Variants in LRRC39 observed in about 807,000 individuals in gnomAD.
The protein encoded by LRRC39 is leucine rich repeat containing 39, also known as leucine-rich repeat-containing protein 39.
In LRRC39, 35 loss-of-function variants were observed where a neutral mutation model predicts 39.7. That is an observed-to-expected ratio of 0.88 (90% confidence interval 0.67 to 1.17). LRRC39 has a LOEUF of 1.17. LRRC39 is among the 50% of genes most tolerant of loss of function. The pLI is 0.00. For missense variants in LRRC39, 357 were observed against 385.8 expected (o/e 0.93, Z 0.62); for synonymous variants, 113 against 134.1 (o/e 0.84, Z 1.09).
At chr1:100,166,359 G>T (rs1333838139) in intron 3 of LRRC39, among the ~76,000 whole-genome samples, 1 of 152,156 alleles carries the variant, frequency 6.6e-6, no homozygotes, top group African/African-American at 2.4e-5. Flanking sequence ...AAGAAGAAAA[G>T]AAAATGTGGG....
intron 8 of LRRC39, 83 bp downstream of exon 8, chr1:100,154,968 T>C (rs1178563615): frequency 7.9e-7 from 1 of 1,259,522 alleles, no homozygotes; most frequent in Non-Finnish European, 1.1e-6. Flanking sequence ...CTGAAATTTA[T>C]TAATAACAAT....
rs1570768028 is a variant in LRRC39, at chr1:100,158,923, G to A, written c.376+336C>T. 2.0e-5 allele frequency among the ~76,000 whole-genome samples: 3 copies of A among 151,168 alleles called. No individual in the cohort carries two copies. In the East Asian group the frequency reaches 5.8e-4, roughly 29 times the overall value. On this transcript the variant is annotated intron_variant, in intron 5 of 9. Coordinates refer to ENST00000370137, the MANE Select transcript of LRRC39 (RefSeq NM_144620.4). ...AAAATCCTCAGCAATTTTCTATTTG[G>A]ATTTTTTTTTCCCATTTGAAGAATC... is the stretch of plus-strand genomic sequence containing the variant.
chr1:100,179,099 G>A (rs1175229965), upstream of LRRC39, among the ~76,000 whole-genome samples: 1 of 152,126 alleles, frequency 6.6e-6, no homozygotes, highest in Middle Eastern at 3.2e-3. Flanking sequence ...TTAGAGCAGC[G>A]TCATTCTTTT....
chr1:100,167,226 TC>T (rs1310651031), intron 3 of LRRC39, among the ~76,000 whole-genome samples: 1 of 152,062 alleles, frequency 6.6e-6, no homozygotes, highest in Non-Finnish European at 1.5e-5. Context: ...AACATAATGA[TC>T]ATTGGCTGTG....
At position 100,164,716 on chromosome 1, in the gene LRRC39, A is replaced by T. The variant is rs565716653; in HGVS notation, c.113+3688T>A. Among the ~76,000 whole-genome samples the T allele has an allele frequency of 1.1e-4, 17 of 151,012 alleles. No individual in the cohort carries two copies. The East Asian group carries it at 1.7e-3, about 16-fold the overall frequency. Reference sequence around the variant, plus strand: ...TTATTAATTTTTTTCTTTTTTTTTTAAATGAGACAGTGTCTTGCTCTGACA... The same window carrying T: ...TTATTAATTTTTTTCTTTTTTTTTTTAATGAGACAGTGTCTTGCTCTGACA... On this transcript the variant is annotated intron_variant, in intron 3 of 9. Coordinates refer to ENST00000370137, the MANE Select transcript of LRRC39 (RefSeq NM_144620.4).
At chr1:100,168,777 TG>T (rs1207844112) in intron 2 of LRRC39, 183 bp from the exon 3 acceptor site, 1 of 291,930 alleles carries the variant, frequency 3.4e-6, no homozygotes, top group African/African-American at 2.2e-5. Flanking sequence ...TATTGACTAA[TG>T]TATAGATGAG....
intron 3 of LRRC39, among the ~76,000 whole-genome samples, chr1:100,166,581 A>T (rs1191748614): frequency 1.3e-5 from 2 of 152,198 alleles, no homozygotes; most frequent in African/African-American, 4.8e-5. Context: ...AACTTGAAGA[A>T]GATGATTTAG....
At chr1:100,162,497 G>T (rs1229353816) in intron 3 of LRRC39, among the ~76,000 whole-genome samples, 1 of 151,974 alleles carries the variant, frequency 6.6e-6, no homozygotes, top group African/African-American at 2.4e-5. Flanking sequence ...AAATTAGCTG[G>T]GTGTGGTGAT....
Position 100,160,469 on chromosome 1 carries a change from C to A in LRRC39, c.216G>T (p.Trp72Cys). The A allele has an allele frequency of 6.2e-7, 1 of 1,611,448 alleles. No homozygotes were observed. The highest frequency in any genetic ancestry group is 8.5e-7 in the Non-Finnish European group (1 of 1,178,298). The stretch of plus-strand genomic sequence containing the variant: ...CAAATATTCTATAAAAGCTTACCTT[C>A]CATTCCTCTTTTTCTATCTTCAAAA... Reference protein sequence around the residue: ...RVILKIEKEEWKTLPSSLLKL... With the variant: ...RVILKIEKEECKTLPSSLLKL... The change falls in exon 4 of 10, where the codon TGG becomes TGT. Residue 72 changes from tryptophan (W) to cysteine (C), a missense_variant. Transcript: ENST00000370137.
At chr1:100,172,574 G>T (rs1659695628) in intron 2 of LRRC39, among the ~76,000 whole-genome samples, 1 of 152,004 alleles carries the variant, frequency 6.6e-6, no homozygotes, top group Admixed American at 6.6e-5. Flanking sequence ...TGTAATCCTA[G>T]CACTTTGGGA....
intron 3 of LRRC39, among the ~76,000 whole-genome samples, chr1:100,167,778 A>AAATAATAAT (rs5776500): frequency 2.9e-5 from 4 of 137,398 alleles, no homozygotes; most frequent in Admixed American, 7.5e-5. Context: ...TCCATTTCAA[A>AAATAATAAT]AATAATAATA....
intron 8 of LRRC39, 45 bp from the exon 9 acceptor site, chr1:100,152,569 GTGT>G: frequency 1.3e-6 from 2 of 1,588,584 alleles, no homozygotes; most frequent in Non-Finnish European, 1.7e-6. Flanking sequence ...TGTCATGGAA[GTGT>G]ACATTTATTT....
At chr1:100,157,714 C>G (rs1324585928) in intron 6 of LRRC39, among the ~76,000 whole-genome samples, 2 of 152,122 alleles carry the variant, frequency 1.3e-5, no homozygotes, top group Admixed American at 6.5e-5. Flanking sequence ...GTTTTCAAAG[C>G]CAAAGCACCA....
At chr1:100,163,824 A>T (rs1368434788) in intron 3 of LRRC39, among the ~76,000 whole-genome samples, 2 of 152,130 alleles carry the variant, frequency 1.3e-5, no homozygotes, top group East Asian at 3.9e-4. Flanking sequence ...TGTAATCCTA[A>T]CAATTTGTGA....
chr1:100,151,915 C>T (rs1658069462), intron 9 of LRRC39, among the ~76,000 whole-genome samples: 1 of 152,170 alleles, frequency 6.6e-6, no homozygotes, highest in Non-Finnish European at 1.5e-5. Context: ...ATAGCCACTG[C>T]ACTCCAGCCT....
chr1:100,174,060 G>A (rs1050732656), intron 1 of LRRC39, among the ~76,000 whole-genome samples: 38 of 152,154 alleles, frequency 2.5e-4, no homozygotes, highest in Admixed American at 1.6e-3. Context: ...GAGAAGGAGA[G>A]GAGCAACCTG....
At chr1:100,153,779 A>G (rs971903543) in intron 8 of LRRC39, among the ~76,000 whole-genome samples, 3 of 152,106 alleles carry the variant, frequency 2.0e-5, no homozygotes, top group Admixed American at 6.5e-5. Flanking sequence ...TTTGTTTTTA[A>G]GAAATAGTCT....
chr1:100,168,790 AAATT>A (rs2101791807), intron 2 of LRRC39, 196 bp from the exon 3 acceptor site: 1 of 273,894 alleles, frequency 3.7e-6, no homozygotes, highest in East Asian at 7.0e-5. Flanking sequence ...ATAGATGAGA[AAATT>A]AAGCTTTAAA....
At chr1:100,158,856 G>GAAA (rs59271444) in intron 5 of LRRC39, among the ~76,000 whole-genome samples, 37 of 141,176 alleles carry the variant, frequency 2.6e-4, no homozygotes, top group African/African-American at 5.9e-4. Context: ...CGTGCAATAG[G>GAAA]AAAAAAAAAA....
Sources: allele counts gnomAD v4.1 joint callset (sites outside exome capture counted in the v4.1 genomes callset), GRCh38; gene constraint gnomAD v4.1.1; transcripts MANE v1.5; gene names NCBI Gene and HGNC (gene_info 2026-07-23, HGNC 2026-07-21).